Variants in PUM1 observed in about 807,000 individuals in gnomAD.
PUM1 encodes the protein pumilio RNA binding family member 1.
A neutral mutation model predicts 131.8 loss-of-function variants in PUM1; 13 were observed. The ratio of observed to expected loss-of-function variants is 0.10; its 90% CI spans 0.06 to 0.16. The LOEUF (loss-of-function observed/expected upper bound fraction) is 0.16. Ranked by LOEUF, PUM1 falls within the 10% of genes least tolerant of loss-of-function variation. The pLI, the probability that PUM1 is intolerant of heterozygous loss-of-function variation, is 1.00. For synonymous variants in PUM1, 509 were observed against 556.5 expected (o/e 0.91, Z 1.20); for missense variants, 961 against 1,512.4 (o/e 0.64, Z 6.05).
chr1:31,058,048 C>CA (rs139630320), intron 2 of PUM1, among the ~76,000 whole-genome samples: 3,796 of 152,144 alleles, frequency 0.025, 174 homozygotes, highest in African/African-American at 0.085. Context: ...CTATGATTCC[C>CA]ACTATGGTTT....
chr1:30,954,142 G>T (rs1356350166), intron 14 of PUM1, among the ~76,000 whole-genome samples, 161 bp from the exon 15 acceptor site: 1 of 152,134 alleles, frequency 6.6e-6, no homozygotes, highest in Non-Finnish European at 1.5e-5. Context: ...ACTTTCGTGG[G>T]TCAACTCAAC....
At chr1:31,036,035 A>T (rs1420746989) in intron 2 of PUM1, among the ~76,000 whole-genome samples, 1 of 152,102 alleles carries the variant, frequency 6.6e-6, no homozygotes, top group Non-Finnish European at 1.5e-5. Context: ...CTTGTCCAAA[A>T]TCATGTAACT....
chr1:30,958,333 T>G (rs964626380), intron 14 of PUM1, among the ~76,000 whole-genome samples: 4 of 152,252 alleles, frequency 2.6e-5, no homozygotes, highest in Admixed American at 1.3e-4. Flanking sequence ...TTCATTTTTT[T>G]GCCCTAGACA....
At chr1:31,015,751 G>A (rs1399326197) in intron 3 of PUM1, among the ~76,000 whole-genome samples, 2 of 146,470 alleles carry the variant, frequency 1.4e-5, no homozygotes, top group Non-Finnish European at 3.0e-5. Context: ...TCAGCTCACC[G>A]CAACCTCCGC....
At chr1:30,953,659 A>G (rs1640038230) in intron 15 of PUM1, 55 bp downstream of exon 15, 2 of 1,590,192 alleles carry the variant, frequency 1.3e-6, no homozygotes, top group Admixed American at 1.7e-5. Flanking sequence ...CTGAGCCAAG[A>G]CAGTTAAGGC....
intron 14 of PUM1, among the ~76,000 whole-genome samples, chr1:30,955,901 A>G (rs1250031330): frequency 6.6e-6 from 1 of 152,236 alleles, no homozygotes; most frequent in Non-Finnish European, 1.5e-5. Context: ...GCCCAATTCT[A>G]TGTTAGAAGT....
intron 9 of PUM1, 27 bp downstream of exon 9, chr1:30,980,035 A>G: frequency 6.6e-7 from 1 of 1,506,312 alleles, no homozygotes; most frequent in Non-Finnish European, 9.1e-7. Flanking sequence ...CAGGTGAGAA[A>G]ATCCCTCATG....
rs116854353 is a variant in PUM1, at chr1:31,027,013, A to G, written c.432+1783T>C. Among the ~76,000 whole-genome samples the G allele has an allele frequency of 5.1e-3, 768 of 151,834 alleles. 3 individuals are homozygous for G. The highest frequency in any genetic ancestry group is 0.032 in the East Asian group (164 of 5,184). ...ATAAAAAAAGAATTTAACACTGTCA[A>G]CTTGTCATTTAAATAAACTTTACCC... On this transcript the variant is annotated intron_variant, in intron 3 of 21. Transcript: ENST00000426105.
In PUM1 at chr1:30,972,267, AGAAGGGAAGG is replaced by A. The variant is rs142906505; in HGVS notation, c.1506+2374_1506+2383del. ...AAGATTATGTCAGAAAGAAAAGAAA[AGAAGGGAAGG>A]GAAGGGAAGGGGAGGGGAGGGGAGG... On this transcript the variant is annotated intron_variant, in intron 10 of 21. Transcript: ENST00000426105. Among the ~76,000 whole-genome samples, 16 of 4,918 alleles carry A rather than the reference AGAAGGGAAGG, an allele frequency of 3.3e-3. 5 individuals carry two copies. The highest frequency in any genetic ancestry group is 0.029 in the South Asian group (2 of 68). 3.2% of individuals were successfully genotyped at this position (4,918 alleles called of 152,430 possible).
At chr1:31,027,061 C>A (rs775896731) in intron 3 of PUM1, among the ~76,000 whole-genome samples, 25 of 151,796 alleles carry the variant, frequency 1.6e-4, no homozygotes, top group Non-Finnish European at 3.1e-4. Flanking sequence ...GTTTGCTATT[C>A]AATTAAAATT....
chr1:31,052,213 C>A (rs1412468498), intron 2 of PUM1, among the ~76,000 whole-genome samples: 1 of 151,774 alleles, frequency 6.6e-6, no homozygotes, highest in Non-Finnish European at 1.5e-5. Flanking sequence ...AGGGTTTCAC[C>A]GTGTTAGCCA....
intron 5 of PUM1, among the ~76,000 whole-genome samples, chr1:30,995,495 T>A (rs954527288): frequency 4.6e-5 from 7 of 152,214 alleles, no homozygotes; most frequent in African/African-American, 1.4e-4. Flanking sequence ...TCCTTTTTTT[T>A]CTTCCTTCCT....
chr1:31,042,609 T>C (rs1341279000), intron 2 of PUM1, among the ~76,000 whole-genome samples: 2 of 152,202 alleles, frequency 1.3e-5, no homozygotes. Flanking sequence ...TTTGTCTTTT[T>C]TTCTTTTTTA....
At chr1:30,942,349 T>C (rs1386326092) in intron 18 of PUM1, among the ~76,000 whole-genome samples, 2 of 151,048 alleles carry the variant, frequency 1.3e-5, no homozygotes, top group Admixed American at 6.6e-5. Context: ...TAGGAATTCA[T>C]AGATGTGCAC....
chr1:30,969,578 C>T (rs906859302), intron 10 of PUM1, among the ~76,000 whole-genome samples: 11 of 152,098 alleles, frequency 7.2e-5, no homozygotes, highest in Admixed American at 6.5e-4. Context: ...ATTCCACAAA[C>T]ATACGCATTA....
At chr1:31,057,104 C>T (rs1259427428) in intron 2 of PUM1, among the ~76,000 whole-genome samples, 1 of 151,986 alleles carries the variant, frequency 6.6e-6, no homozygotes, top group Non-Finnish European at 1.5e-5. Flanking sequence ...GTCTTTGTTT[C>T]GACTATAGTA....
intron 3 of PUM1, among the ~76,000 whole-genome samples, chr1:31,012,720 C>T (rs564322067): frequency 6.6e-5 from 10 of 151,902 alleles, no homozygotes; most frequent in Middle Eastern, 3.2e-3. Context: ...AAGAACAATA[C>T]GCAAAACCAC....
At chr1:30,997,495 CTT>C (rs9286937) in intron 5 of PUM1, among the ~76,000 whole-genome samples, 10,915 of 129,692 alleles carry the variant, frequency 0.084, 1,416 homozygotes, top group African/African-American at 0.28. Flanking sequence ...TGAAACTCGT[CTT>C]TTTTTTTTTT....
Position 30,952,284 on chromosome 1 carries a change from G to C in PUM1, c.2671C>G (p.Gln891Glu). 1 of 1,614,072 alleles carries C rather than the reference G, an allele frequency of 6.2e-7. No individual in the cohort carries two copies. The highest frequency in any genetic ancestry group is 8.5e-7 in the Non-Finnish European group (1 of 1,179,948). The change falls in exon 16 of 22, where the codon CAA becomes GAA. Residue 891 changes from glutamine to glutamate, a missense_variant. This residue lies in a region of PUM1 where 117 missense variants were observed against 200.7 expected (regional missense o/e 0.58). Transcript: ENST00000426105. Reference protein sequence around the residue: ...VFNEILQAAYQLMVDVFGNYV... With the variant: ...VFNEILQAAYELMVDVFGNYV... The stretch of plus-strand genomic sequence containing the variant: ...TTACCAAACACATCCACCATGAGTT[G>C]GTAGGCAGCCTGGAGGATTTCATTG...
Sources: allele counts gnomAD v4.1 joint callset (sites outside exome capture counted in the v4.1 genomes callset), GRCh38; gene constraint gnomAD v4.1.1; regional missense constraint gnomAD v4.1.1; transcripts MANE v1.5; gene names NCBI Gene and HGNC (gene_info 2026-07-23, HGNC 2026-07-21).